The following PCDH15 variants were observed in gnomAD, a reference collection of about 807,000 sequenced individuals.
PCDH15 encodes the protein protocadherin related 15.
In PCDH15, 129 loss-of-function variants were observed where a neutral mutation model predicts 178.5. The observed-to-expected ratio is 0.72, with a 90% CI of 0.63 to 0.84. The LOEUF (loss-of-function observed/expected upper bound fraction) is 0.84, where lower values mean the gene tolerates loss of function less well. Among genes scored for constraint, PCDH15 ranks in the 40% least tolerant of loss-of-function variants. PCDH15 has a pLI of 0.00. For synonymous variants in PCDH15, 800 were observed against 732.0 expected (o/e 1.09, Z -1.50); for missense variants, 2,230 against 2,099.9 (o/e 1.06, Z -1.21).
At chr10:55,189,916 T>C (rs189089282) in intron 1 of PCDH15, among the ~76,000 whole-genome samples, 34 of 151,962 alleles carry the variant, frequency 2.2e-4, no homozygotes, top group Admixed American at 2.0e-3. Flanking sequence ...TAATACAATA[T>C]GCATGATACG....
At chr10:54,288,553 G>A (rs2059184433) in intron 8 of PCDH15, among the ~76,000 whole-genome samples, 1 of 152,160 alleles carries the variant, frequency 6.6e-6, no homozygotes, top group Admixed American at 6.5e-5. Context: ...CCACAGCAGG[G>A]TGGGGTGTCA....
intron 2 of PCDH15, among the ~76,000 whole-genome samples, chr10:55,127,522 C>G (rs1229764205): frequency 6.6e-6 from 1 of 151,996 alleles, no homozygotes; most frequent in Non-Finnish European, 1.5e-5. Context: ...ATCAAATAGA[C>G]AAATTTTTGC....
intron 2 of PCDH15, among the ~76,000 whole-genome samples, chr10:54,588,997 G>A (rs912642612): frequency 2.6e-5 from 4 of 152,238 alleles, no homozygotes; most frequent in Admixed American, 6.5e-5. Flanking sequence ...AATAGAATTT[G>A]TGTCTGTCTT....
intron 25 of PCDH15, among the ~76,000 whole-genome samples, chr10:53,913,578 CAAA>C (rs55917688): frequency 0.72 from 103,200 of 142,488 alleles, 36,766 homozygotes; most frequent in East Asian, 0.99. Context: ...CTAAAAGATA[CAAA>C]AAAAAAAAAA....
chr10:53,814,187 A>C (rs541961554), intron 35 of PCDH15, among the ~76,000 whole-genome samples: 3 of 152,318 alleles, frequency 2.0e-5, no homozygotes, highest in African/African-American at 7.2e-5. Flanking sequence ...TAATATTTTC[A>C]AACTGCTTGA....
chr10:55,283,070 T>C (rs1471925032), intron 1 of PCDH15, among the ~76,000 whole-genome samples: 2 of 152,200 alleles, frequency 1.3e-5, no homozygotes, highest in African/African-American at 4.8e-5. Flanking sequence ...TTAGAAATTA[T>C]GGTTTAGGAG....
intron 1 of PCDH15, among the ~76,000 whole-genome samples, chr10:54,772,899 A>T (rs1949259570): frequency 6.6e-6 from 1 of 152,218 alleles, no homozygotes; most frequent in Admixed American, 6.5e-5. Context: ...GAGAAGGAAA[A>T]TGTGGTACAT....
intron 1 of PCDH15, among the ~76,000 whole-genome samples, chr10:55,254,458 G>T (rs1426696850): frequency 6.6e-6 from 1 of 152,154 alleles, no homozygotes; most frequent in Non-Finnish European, 1.5e-5. Flanking sequence ...TTGGTAATAA[G>T]AGCAAGATAT....
chr10:55,605,301 G>A (rs1196366718), intron 2 of PCDH15, among the ~76,000 whole-genome samples: 3 of 152,090 alleles, frequency 2.0e-5, no homozygotes, highest in Non-Finnish European at 4.4e-5. Flanking sequence ...ATTCACAGTC[G>A]AATTCTACCA....
intron 1 of PCDH15, among the ~76,000 whole-genome samples, chr10:54,760,871 G>T (rs539864881): frequency 6.6e-6 from 1 of 152,178 alleles, no homozygotes; most frequent in South Asian, 2.1e-4. Flanking sequence ...TCAAATTTAT[G>T]CATGTTAAGA....
At chr10:54,992,044 G>T (rs1839513590) in intron 2 of PCDH15, among the ~76,000 whole-genome samples, 1 of 151,846 alleles carries the variant, frequency 6.6e-6, no homozygotes, top group South Asian at 2.1e-4. Context: ...CTACTTGATT[G>T]ATGCAAATGT....
At chr10:55,606,695 T>G (rs369671165) in intron 2 of PCDH15, among the ~76,000 whole-genome samples, 62 of 146,960 alleles carry the variant, frequency 4.2e-4, no homozygotes, top group African/African-American at 1.3e-3. Flanking sequence ...GCTAGCCATA[T>G]GTAGAAAGCT....
At chr10:53,933,824 C>T (rs1159009860) in intron 25 of PCDH15, among the ~76,000 whole-genome samples, 4 of 152,174 alleles carry the variant, frequency 2.6e-5, no homozygotes, top group African/African-American at 7.2e-5. Context: ...TCCACATCCT[C>T]TCCAGCACCT....
At chr10:53,908,847 C>T (rs2082863440) in intron 25 of PCDH15, among the ~76,000 whole-genome samples, 1 of 152,142 alleles carries the variant, frequency 6.6e-6, no homozygotes, top group Non-Finnish European at 1.5e-5. Flanking sequence ...TTTTTAAATG[C>T]TTGGAATACC....
chr10:54,366,715 G>GTTTTTTTTT (rs201995767), intron 5 of PCDH15, among the ~76,000 whole-genome samples: 1 of 145,408 alleles, frequency 6.9e-6, no homozygotes. Flanking sequence ...TAAATGCACT[G>GTTTTTTTTT]TTTTTTTTTT....
At chr10:55,321,491 G>A (rs1373877927), upstream of PCDH15, among the ~76,000 whole-genome samples, 1 of 152,114 alleles carries the variant, frequency 6.6e-6, no homozygotes, top group African/African-American at 2.4e-5. Flanking sequence ...TTCAAATTCA[G>A]TAAATGCAAA....
At chr10:55,020,179 A>T (rs777636143) in intron 2 of PCDH15, among the ~76,000 whole-genome samples, 1 of 150,390 alleles carries the variant, frequency 6.6e-6, no homozygotes, top group Non-Finnish European at 1.5e-5. Flanking sequence ...CAATTAATCA[A>T]TTTGAATAAG....
At chr10:55,195,932 C>T (rs1338297003) in intron 1 of PCDH15, among the ~76,000 whole-genome samples, 1 of 152,056 alleles carries the variant, frequency 6.6e-6, no homozygotes, top group Non-Finnish European at 1.5e-5. Flanking sequence ...TGCATCCACA[C>T]TAGTTCTTTC....
chr10:55,033,120 G>C (rs1168806174), intron 2 of PCDH15, among the ~76,000 whole-genome samples: 2 of 152,156 alleles, frequency 1.3e-5, no homozygotes, highest in Non-Finnish European at 2.9e-5. Context: ...TGATACCTCA[G>C]AGAGCCTCAG....
Sources: gnomAD v4.1 joint callset for allele counts (sites outside exome capture counted in the v4.1 genomes callset) on GRCh38, gnomAD v4.1.1 for gene constraint, MANE v1.5 for transcripts, NCBI Gene and HGNC (gene_info 2026-07-23, HGNC 2026-07-21) for gene names.